SNX24: variants seen among roughly 807,000 people sequenced by gnomAD.
SNX24 encodes the protein sorting nexin-24.
Under a neutral mutation model 28.7 loss-of-function variants are expected in SNX24, and 22 were observed. The ratio of observed to expected loss-of-function variants is 0.77; its 90% CI spans 0.55 to 1.10. The LOEUF (loss-of-function observed/expected upper bound fraction) is 1.10. Ranked by LOEUF, SNX24 falls within the 50% of genes least tolerant of loss-of-function variation. The probability of loss-of-function intolerance (pLI) is 0.00; values close to 1 mark genes in which losing one functional copy is unlikely to be tolerated. For synonymous variants in SNX24, 69 were observed against 71.5 expected, an observed-to-expected ratio of 0.96 and a Z score of 0.18; for missense variants, 221 against 201.1, an observed-to-expected ratio of 1.10 and a Z score of -0.60.
chr5:122,849,365 T>C (rs1039659298), intron 1 of SNX24, among the ~76,000 whole-genome samples: 4 of 152,090 alleles, frequency 2.6e-5, no homozygotes, highest in Non-Finnish European at 5.9e-5. Flanking sequence ...TGCTCAGAGC[T>C]AGGCCGGGAA....
chr5:123,008,798 A>T lies in SNX24; in HGVS notation c.*1049A>T, dbSNP rs1188052980. ...TCATTTGTTGAGTTAATGTAAGTTA[A>T]ATGTGTTTATGATATAACTCCACTG... On this transcript the variant is annotated 3_prime_UTR_variant, in exon 7 of 7. Coordinates refer to ENST00000261369, the MANE Select transcript of SNX24 (RefSeq NM_014035.4). The T allele has an allele frequency of 2.3e-6, 2 of 854,794 alleles. No homozygotes were observed. Among genetic ancestry groups the T allele is most frequent in the African/African-American group, 3.7e-5 (2 of 54,418 alleles). 53.0% of individuals were successfully genotyped at this position (854,794 alleles called of 1,614,324 possible).
chr5:123,009,384 G>T (rs189429943), downstream of SNX24, among the ~76,000 whole-genome samples: 1 of 152,094 alleles, frequency 6.6e-6, no homozygotes, highest in South Asian at 2.1e-4. Context: ...GTCAGTAGAT[G>T]TTCATTAAAT....
intron 1 of SNX24, among the ~76,000 whole-genome samples, chr5:122,932,461 A>C (rs1758995673): frequency 6.6e-6 from 1 of 152,202 alleles, no homozygotes; most frequent in African/African-American, 2.4e-5. Flanking sequence ...AACATAGCTA[A>C]ATAAATAAAT....
chr5:123,014,333 A>ATTTTTTTTTTTTTT lies in SNX24; in HGVS notation n.383+12345_383+12358dup, dbSNP rs70988553. Among the ~76,000 whole-genome samples the ATTTTTTTTTTTTTT allele has an allele frequency of 5.2e-5, 4 of 77,270 alleles. 2 individuals carry two copies. The highest frequency in any genetic ancestry group is 4.7e-5 in the Non-Finnish European group (2 of 42,442). The allele number at this position is 77,270 out of a possible 152,430, so 50.7% of individuals were successfully genotyped here. On this transcript the variant is annotated intron_variant and non_coding_transcript_variant, in intron 5 of 5. Coordinates refer to the SNX24 transcript ENST00000502387. ...AGGCACACGCCACTGTGCCCAGCTGATTTTTTTTTTTTTTTTTTTTTTTTT... is the reference window on the plus strand; with the variant it reads ...AGGCACACGCCACTGTGCCCAGCTGATTTTTTTTTTTTTTTTTTTTTTTTTTTTTTTTTTTTTTT...
chr5:122,955,605 G>C (rs1237505095), intron 3 of SNX24, among the ~76,000 whole-genome samples: 1 of 152,176 alleles, frequency 6.6e-6, no homozygotes, highest in African/African-American at 2.4e-5. Context: ...AGAAGATTAG[G>C]CTCCTCACTT....
Position 123,008,149 on chromosome 5 carries a change from A to C in SNX24, c.*400A>C. The stretch of plus-strand genomic sequence containing the variant: ...ATCAACTTTGGTAGCTTTTTTGTTC[A>C]GATCTTATGACACACTACTCTTCTC... On this transcript the variant is annotated 3_prime_UTR_variant, in exon 7 of 7. Coordinates refer to ENST00000261369, the MANE Select transcript of SNX24 (RefSeq NM_014035.4). 1 of 995,104 alleles carries C rather than the reference A, an allele frequency of 1.0e-6. No homozygotes were observed. The highest frequency in any genetic ancestry group is 4.5e-5 in the South Asian group (1 of 22,100). The allele number at this position is 995,104 out of a possible 1,614,324, so 61.6% of individuals were successfully genotyped here.
chr5:122,853,376 C>T (rs1755025947), intron 1 of SNX24, among the ~76,000 whole-genome samples: 2 of 152,134 alleles, frequency 1.3e-5, no homozygotes, highest in South Asian at 4.1e-4. Context: ...ATCCACCCGC[C>T]TCGGCCTCCC....
chr5:123,006,695 T>C (rs1762435470), intron 6 of SNX24, among the ~76,000 whole-genome samples: 1 of 152,216 alleles, frequency 6.6e-6, no homozygotes, highest in African/African-American at 2.4e-5. Context: ...TCTCACTATG[T>C]TGGCTTTCGT....
intron 3 of SNX24, among the ~76,000 whole-genome samples, chr5:122,982,087 G>A (rs1258149375): frequency 6.6e-6 from 1 of 152,214 alleles, no homozygotes; most frequent in Non-Finnish European, 1.5e-5. Flanking sequence ...AGGGAAGAAT[G>A]ACTGGTAGAT....
At chr5:122,934,156 A>G (rs1200400800) in intron 1 of SNX24, among the ~76,000 whole-genome samples, 1 of 152,148 alleles carries the variant, frequency 6.6e-6, no homozygotes, top group African/African-American at 2.4e-5. Context: ...AAATAAACAG[A>G]TGAATGGTGC....
At chr5:123,007,661 T>C (rs1762462321) in intron 6 of SNX24, 21 bp from the exon 7 acceptor site, 2 of 1,552,722 alleles carry the variant, frequency 1.3e-6, no homozygotes, top group Non-Finnish European at 8.7e-7. Flanking sequence ...TTTTTTTTCT[T>C]TTTTTTTTTC....
chr5:122,853,942 A>T (rs1407123239), intron 1 of SNX24, among the ~76,000 whole-genome samples: 1 of 152,226 alleles, frequency 6.6e-6, no homozygotes, highest in East Asian at 1.9e-4. Flanking sequence ...ATTTTTAAGA[A>T]TTCTTAAAAA....
chr5:122,862,479 G>A (rs969172288), intron 1 of SNX24, among the ~76,000 whole-genome samples: 1 of 151,882 alleles, frequency 6.6e-6, no homozygotes, highest in African/African-American at 2.4e-5. Flanking sequence ...GGCGGCGCCT[G>A]TAGTCCCAGC....
intron 1 of SNX24, among the ~76,000 whole-genome samples, chr5:122,910,721 T>G (rs893804777): frequency 1.5e-4 from 23 of 150,284 alleles, no homozygotes; most frequent in Non-Finnish European, 3.3e-4. Flanking sequence ...ATGTGGTGTT[T>G]CGTTTTTTGT....
At chr5:123,013,991 A>G (rs576017426), downstream of SNX24, among the ~76,000 whole-genome samples, 12 of 152,362 alleles carry the variant, frequency 7.9e-5, no homozygotes, top group African/African-American at 2.9e-4. Context: ...ACTGGGCTAA[A>G]TCATGTTAAT....
intron 5 of SNX24, among the ~76,000 whole-genome samples, chr5:123,026,894 G>A (rs1311725100): frequency 6.6e-6 from 1 of 152,116 alleles, no homozygotes; most frequent in Admixed American, 6.5e-5. Flanking sequence ...TTCTGATTCA[G>A]TTAGAAAACC....
chr5:122,917,221 C>T (rs1376385076), intron 1 of SNX24, among the ~76,000 whole-genome samples: 1 of 149,330 alleles, frequency 6.7e-6, no homozygotes, highest in African/African-American at 2.5e-5. Context: ...TGTGCCACTG[C>T]ACTCCAGCCT....
chr5:122,998,615 C>T (rs907344830), intron 3 of SNX24, among the ~76,000 whole-genome samples: 3 of 152,116 alleles, frequency 2.0e-5, no homozygotes, highest in Non-Finnish European at 2.9e-5. Flanking sequence ...AGGGACTGAA[C>T]ACCAGGAGGG....
chr5:122,930,945 T>G (rs1378411022), intron 1 of SNX24, among the ~76,000 whole-genome samples: 1 of 152,202 alleles, frequency 6.6e-6, no homozygotes, highest in Non-Finnish European at 1.5e-5. Flanking sequence ...TGTCGTTTTG[T>G]TAAAAAGTTG....
Sources: allele counts gnomAD v4.1 joint callset (sites outside exome capture counted in the v4.1 genomes callset), GRCh38; gene constraint gnomAD v4.1.1; transcripts MANE v1.5; gene names NCBI Gene and HGNC (gene_info 2026-07-23, HGNC 2026-07-21).